Variants in ADAMTS6 observed in about 807,000 individuals in gnomAD.
ADAMTS6 encodes the protein ADAM metallopeptidase with thrombospondin type 1 motif 6.
A neutral mutation model predicts 144.3 loss-of-function variants in ADAMTS6; 23 were observed. That is an observed-to-expected ratio of 0.16 (90% CI 0.11 to 0.23). The LOEUF (loss-of-function observed/expected upper bound fraction) is 0.23. ADAMTS6 is among the 10% of genes least tolerant of loss of function. The probability of loss-of-function intolerance (pLI) is 1.00; values close to 1 mark genes in which losing one functional copy is unlikely to be tolerated. For synonymous variants in ADAMTS6, 444 were observed against 457.5 expected (o/e 0.97, Z 0.38); for missense variants, 999 against 1,379.6 (o/e 0.72, Z 4.37).
At chr5:65,451,189 T>C in intron 7 of ADAMTS6, 1 of 247,030 alleles carries the variant, frequency 4.0e-6, no homozygotes, top group Non-Finnish European at 7.6e-6. Flanking sequence ...GGTTAACAAA[T>C]CATCTACATG....
intron 7 of ADAMTS6, among the ~76,000 whole-genome samples, chr5:65,434,151 G>A (rs768842879): frequency 1.5e-4 from 23 of 152,176 alleles, no homozygotes; most frequent in Non-Finnish European, 3.1e-4. Context: ...AGTTACAAAA[G>A]ATCTCATATT....
rs1270689720 is a variant in ADAMTS6, at chr5:65,187,998, A to G, written c.2910+18T>C. ...AGGACATTTCAAAACATATACATAT[A>G]GCCTCAGATTTCCTTACCTCAGACC... is the stretch of plus-strand genomic sequence containing the variant. On this transcript the variant is annotated intron_variant, in intron 22 of 24. Coordinates refer to ENST00000381055, the MANE Select transcript of ADAMTS6 (RefSeq NM_197941.4). The G allele has an allele frequency of 1.9e-6, 3 of 1,612,874 alleles. No homozygotes were observed. Among genetic ancestry groups the G allele is most frequent in the African/African-American group, 1.3e-5 (1 of 74,894 alleles).
chr5:65,196,436 T>C (rs751996155), intron 21 of ADAMTS6, among the ~76,000 whole-genome samples: 6 of 139,082 alleles, frequency 4.3e-5, no homozygotes, highest in South Asian at 2.2e-4. Context: ...GGCAGGAGAA[T>C]GGCATGAACC....
intron 15 of ADAMTS6, among the ~76,000 whole-genome samples, chr5:65,240,516 C>T (rs1759084098): frequency 6.6e-6 from 1 of 152,034 alleles, no homozygotes; most frequent in African/African-American, 2.4e-5. Context: ...AAATCTTAAT[C>T]CCCAATTTGA....
intron 7 of ADAMTS6, among the ~76,000 whole-genome samples, chr5:65,421,313 C>T (rs1028769148): frequency 6.6e-6 from 1 of 152,138 alleles, no homozygotes; most frequent in Non-Finnish European, 1.5e-5. Flanking sequence ...TTTATTTCTC[C>T]TTCATTTATG....
At chr5:65,344,949 G>A (rs1251137101) in intron 7 of ADAMTS6, among the ~76,000 whole-genome samples, 1 of 151,796 alleles carries the variant, frequency 6.6e-6, no homozygotes, top group Non-Finnish European at 1.5e-5. Context: ...TCCTAACTGA[G>A]ATTCCCCTAA....
intron 1 of ADAMTS6, among the ~76,000 whole-genome samples, chr5:65,475,753 T>C (rs1230442539): frequency 6.6e-6 from 1 of 152,188 alleles, no homozygotes; most frequent in Non-Finnish European, 1.5e-5. Context: ...TTAGTAATAA[T>C]AGCAATAGCA....
chr5:65,469,676 G>C (rs1185393716), intron 3 of ADAMTS6, among the ~76,000 whole-genome samples: 3 of 152,170 alleles, frequency 2.0e-5, no homozygotes, highest in Non-Finnish European at 4.4e-5. Flanking sequence ...ATAGAAAGTA[G>C]ACAATTGGAG....
intron 24 of ADAMTS6, among the ~76,000 whole-genome samples, chr5:65,156,542 C>T (rs1752432266): frequency 6.6e-6 from 1 of 152,128 alleles, no homozygotes; most frequent in Non-Finnish European, 1.5e-5. Context: ...TTCAAAATTC[C>T]TCTATACCCA....
chr5:65,347,733 A>G (rs1350412820), intron 7 of ADAMTS6, among the ~76,000 whole-genome samples: 2 of 152,072 alleles, frequency 1.3e-5, no homozygotes, highest in African/African-American at 4.8e-5. Flanking sequence ...AGGAGAAAAT[A>G]TTTTAAACCG....
intron 15 of ADAMTS6, among the ~76,000 whole-genome samples, chr5:65,233,693 G>A (rs889037047): frequency 2.6e-5 from 4 of 152,058 alleles, no homozygotes; most frequent in Non-Finnish European, 5.9e-5. Context: ...TTGTCAAAAT[G>A]TCCATACTTC....
intron 11 of ADAMTS6, 104 bp from the exon 12 acceptor site, chr5:65,273,551 G>C (rs2112658102): frequency 1.1e-6 from 1 of 899,008 alleles, no homozygotes; most frequent in East Asian, 2.5e-5. Flanking sequence ...GAGACCCTGG[G>C]TACCTTTTGC....
At chr5:65,430,241 G>A in intron 7 of ADAMTS6, among the ~76,000 whole-genome samples, 2 of 150,794 alleles carry the variant, frequency 1.3e-5, no homozygotes. Flanking sequence ...ACAGAGATTG[G>A]TTCAAGGCCT....
At chr5:65,212,816 C>T (rs1756633246) in intron 20 of ADAMTS6, among the ~76,000 whole-genome samples, 1 of 152,122 alleles carries the variant, frequency 6.6e-6, no homozygotes, top group Non-Finnish European at 1.5e-5. Flanking sequence ...TTCTTTTCTC[C>T]AAGCTAATCC....
Position 65,151,725 on chromosome 5 carries a change from C to A in ADAMTS6, c.*111G>T. The A allele has an allele frequency of 1.1e-6, 1 of 914,344 alleles. No homozygotes were observed. The highest frequency in any genetic ancestry group is 1.7e-6 in the Non-Finnish European group (1 of 591,074). The allele number at this position is 914,344 out of a possible 1,614,324, so 56.6% of individuals were successfully genotyped here. A position where few individuals can be genotyped will look rare whatever the true frequency, so the allele number is the denominator to read the frequency against. On this transcript the variant is annotated 3_prime_UTR_variant, in exon 25 of 25. Coordinates refer to ENST00000381055, the MANE Select transcript of ADAMTS6 (RefSeq NM_197941.4). ...AGGGCTGACCAGTGGTTACGTTTTC[C>A]ACAGGGTAATGCATTTGCAAGGACA...
intron 7 of ADAMTS6, among the ~76,000 whole-genome samples, chr5:65,435,064 T>C (rs1158840027): frequency 2.6e-5 from 4 of 152,182 alleles, no homozygotes; most frequent in African/African-American, 7.2e-5. Context: ...GATAGATAAA[T>C]CTTGAAAGTA....
chr5:65,288,682 A>AT (rs1232774386), intron 11 of ADAMTS6, among the ~76,000 whole-genome samples: 1 of 152,120 alleles, frequency 6.6e-6, no homozygotes, highest in Non-Finnish European at 1.5e-5. Context: ...AAGAGGAATC[A>AT]TTTCATGATT....
chr5:65,321,847 C>T (rs1434694765), intron 9 of ADAMTS6, among the ~76,000 whole-genome samples: 1 of 151,084 alleles, frequency 6.6e-6, no homozygotes, highest in African/African-American at 2.4e-5. Context: ...TCCCAAGTAG[C>T]TGGGACTACA....
intron 23 of ADAMTS6, among the ~76,000 whole-genome samples, chr5:65,171,308 C>G (rs954995605): frequency 2.0e-5 from 3 of 152,126 alleles, no homozygotes; most frequent in African/African-American, 7.2e-5. Context: ...CGCGCCTGGC[C>G]ACAATATTAA....
Sources: gnomAD v4.1 joint callset for allele counts (sites outside exome capture counted in the v4.1 genomes callset) on GRCh38, gnomAD v4.1.1 for gene constraint, MANE v1.5 for transcripts, NCBI Gene and HGNC (gene_info 2026-07-23, HGNC 2026-07-21) for gene names.